EDNRB: variants seen among roughly 807,000 people sequenced by gnomAD.
EDNRB encodes Hirschsprung disease 2.
In EDNRB, 18 loss-of-function variants were observed where a neutral mutation model predicts 46.4. The observed-to-expected ratio is 0.39, with a 90% CI of 0.27 to 0.57. The LOEUF is 0.57. Ranked by LOEUF, EDNRB falls within the 20% of genes least tolerant of loss-of-function variation. The pLI is 0.61. For synonymous variants in EDNRB, 213 were observed against 204.9 expected, an observed-to-expected ratio of 1.04 and a Z score of -0.34; for missense variants, 434 against 537.5, an observed-to-expected ratio of 0.81 and a Z score of 1.90.
chr13:77,960,553 G>A (rs1271745231), intron 1 of EDNRB, among the ~76,000 whole-genome samples: 2 of 152,136 alleles, frequency 1.3e-5, no homozygotes, highest in Non-Finnish European at 2.9e-5. Flanking sequence ...AACATGGAAA[G>A]GAACAGCCAG....
intron 1 of EDNRB, among the ~76,000 whole-genome samples, chr13:77,965,834 G>A (rs570601925): frequency 1.3e-5 from 2 of 152,080 alleles, no homozygotes; most frequent in South Asian, 4.2e-4. Flanking sequence ...AGTAGAGAAA[G>A]TAATGGGTTT....
At chr13:77,913,106 G>A (rs1879652344) in intron 1 of EDNRB, among the ~76,000 whole-genome samples, 1 of 152,084 alleles carries the variant, frequency 6.6e-6, no homozygotes, top group South Asian at 2.1e-4. Flanking sequence ...AGTCTAAGAG[G>A]ATAGTGCAAA....
At chr13:77,974,904 T>G (rs147653041) in intron 1 of EDNRB, among the ~76,000 whole-genome samples, 1 of 152,116 alleles carries the variant, frequency 6.6e-6, no homozygotes, top group Non-Finnish European at 1.5e-5. Flanking sequence ...TTTTTCAACA[T>G]AGTTCCTAGT....
intron 1 of EDNRB, among the ~76,000 whole-genome samples, chr13:77,934,680 G>GA (rs1491569200): frequency 8.7e-5 from 2 of 23,016 alleles, no homozygotes; most frequent in African/African-American, 1.0e-3. Context: ...GTGTAGGAAA[G>GA]GGGGGGGGGG....
At chr13:77,936,875 G>A (rs985301185) in intron 1 of EDNRB, among the ~76,000 whole-genome samples, 2 of 152,214 alleles carry the variant, frequency 1.3e-5, no homozygotes, top group African/African-American at 4.8e-5. Flanking sequence ...TTGTATGCTG[G>A]AGGTGTGGCT....
At chr13:77,967,216 G>A (rs1289834353) in intron 1 of EDNRB, among the ~76,000 whole-genome samples, 2 of 152,126 alleles carry the variant, frequency 1.3e-5, no homozygotes, top group Non-Finnish European at 2.9e-5. Flanking sequence ...GGAAGATACT[G>A]TAGGTTGATT....
chr13:77,956,387 T>G (rs1881240766), intron 1 of EDNRB, among the ~76,000 whole-genome samples: 1 of 152,162 alleles, frequency 6.6e-6, no homozygotes, highest in African/African-American at 2.4e-5. Context: ...TGTACTGAAA[T>G]TATTTTTGCA....
intron 1 of EDNRB, among the ~76,000 whole-genome samples, chr13:77,932,835 AT>A (rs1431912944): frequency 6.6e-6 from 1 of 152,240 alleles, no homozygotes; most frequent in Non-Finnish European, 1.5e-5. Flanking sequence ...TTTTAATTAC[AT>A]GCATTTCTAG....
At chr13:77,936,870 T>C (rs1880582027) in intron 1 of EDNRB, among the ~76,000 whole-genome samples, 1 of 152,228 alleles carries the variant, frequency 6.6e-6, no homozygotes, top group Admixed American at 6.5e-5. Context: ...AGTTCTTGTA[T>C]GCTGGAGGTG....
chr13:77,925,287 A>G (rs923783207), intron 1 of EDNRB, among the ~76,000 whole-genome samples: 1 of 152,214 alleles, frequency 6.6e-6, no homozygotes, highest in South Asian at 2.1e-4. Flanking sequence ...CACATTTATC[A>G]TAAGTCTGCA....
intron 1 of EDNRB, among the ~76,000 whole-genome samples, chr13:77,934,691 GC>G (rs1258993185): frequency 4.4e-5 from 6 of 137,102 alleles, no homozygotes; most frequent in East Asian, 2.4e-4. Context: ...GGGGGGGGGG[GC>G]CTGAATAGTC....
intron 1 of EDNRB, among the ~76,000 whole-genome samples, chr13:77,941,659 T>C (rs1880750201): frequency 6.7e-6 from 1 of 150,056 alleles, no homozygotes; most frequent in Admixed American, 6.7e-5. Context: ...AACAGAACGA[T>C]GGTTTAACAC....
chr13:77,910,549 A>G (rs1314131038), intron 1 of EDNRB, among the ~76,000 whole-genome samples: 1 of 152,054 alleles, frequency 6.6e-6, no homozygotes, highest in Non-Finnish European at 1.5e-5. Context: ...GTGCATGGAA[A>G]TATTTTCTTC....
At chr13:77,919,493 G>T, upstream of EDNRB, 1 of 1,612,812 alleles carries the variant, frequency 6.2e-7, no homozygotes, top group Non-Finnish European at 8.5e-7. Flanking sequence ...TGGGAGAGGA[G>T]CACGCCTCCC....
At chr13:77,911,804 T>C (rs993910440) in intron 1 of EDNRB, among the ~76,000 whole-genome samples, 2 of 152,020 alleles carry the variant, frequency 1.3e-5, no homozygotes, top group African/African-American at 4.8e-5. Flanking sequence ...AGTCTAAAAT[T>C]AGAGAAGTTG....
upstream of EDNRB, among the ~76,000 whole-genome samples, chr13:77,921,389 T>G (rs1298173382): frequency 1.3e-5 from 2 of 152,222 alleles, no homozygotes; most frequent in Non-Finnish European, 2.9e-5. Flanking sequence ...ACCACCTGCA[T>G]TAGACACCTT....
chr13:77,910,688 T>A (rs2137627117), intron 1 of EDNRB, among the ~76,000 whole-genome samples: 1 of 152,094 alleles, frequency 6.6e-6, no homozygotes, highest in South Asian at 2.1e-4. Context: ...TCAGAAATAA[T>A]GTTAGCTTAT....
intron 1 of EDNRB, among the ~76,000 whole-genome samples, chr13:77,944,403 C>T (rs1304498877): frequency 6.6e-6 from 1 of 151,952 alleles, no homozygotes; most frequent in African/African-American, 2.4e-5. Flanking sequence ...ATTGAATGAA[C>T]TTTAGTAACT....
At chr13:77,936,230 C>T (rs1286326679) in intron 1 of EDNRB, among the ~76,000 whole-genome samples, 9 of 151,664 alleles carry the variant, frequency 5.9e-5, no homozygotes, top group Admixed American at 1.3e-4. Flanking sequence ...GGGGAAAAGG[C>T]GGCAATGAGG....
Sources: gnomAD v4.1 joint callset for allele counts (sites outside exome capture counted in the v4.1 genomes callset) on GRCh38, gnomAD v4.1.1 for gene constraint, MANE v1.5 for transcripts, NCBI Gene and HGNC (gene_info 2026-07-23, HGNC 2026-07-21) for gene names.